Variants in NTM observed in about 807,000 individuals in gnomAD.
The protein encoded by NTM is neurotrimin.
A neutral mutation model predicts 42.1 loss-of-function variants in NTM; 13 were observed. The ratio of observed to expected loss-of-function variants is 0.31; its 90% confidence interval spans 0.20 to 0.49. The LOEUF is 0.49. NTM is among the 20% of genes least tolerant of loss of function. The probability of loss-of-function intolerance (pLI) is 0.99; values close to 1 mark genes in which losing one functional copy is unlikely to be tolerated. For missense variants in NTM, 373 were observed against 452.8 expected (o/e 0.82, Z 1.60); for synonymous variants, 187 against 179.2 (o/e 1.04, Z -0.35).
At chr11:131,725,907 A>T (rs1260871412) in intron 1 of NTM, among the ~76,000 whole-genome samples, 1 of 152,128 alleles carries the variant, frequency 6.6e-6, no homozygotes, top group Non-Finnish European at 1.5e-5. Flanking sequence ...CTCTCGCTAG[A>T]TTCAGTGGGT....
chr11:131,740,239 C>T (rs188520969), intron 1 of NTM, among the ~76,000 whole-genome samples: 157 of 152,180 alleles, frequency 1.0e-3, no homozygotes, highest in African/African-American at 3.3e-3. Flanking sequence ...GGAGAGCTGC[C>T]GGCATCCATG....
intron 1 of NTM, among the ~76,000 whole-genome samples, chr11:131,849,464 A>G (rs1029530076): frequency 3.3e-5 from 5 of 151,922 alleles, no homozygotes; most frequent in African/African-American, 1.2e-4. Context: ...AGAGAGGGGG[A>G]AGTGCCACAC....
chr11:132,224,832 A>T (rs988749480), intron 4 of NTM, among the ~76,000 whole-genome samples: 1 of 152,198 alleles, frequency 6.6e-6, no homozygotes, highest in Admixed American at 6.5e-5. Context: ...GATGGGAGTG[A>T]GGGTGGAGGA....
intron 1 of NTM, among the ~76,000 whole-genome samples, chr11:131,600,665 G>A (rs1476631906): frequency 1.3e-5 from 2 of 152,108 alleles, no homozygotes; most frequent in African/African-American, 4.8e-5. Flanking sequence ...CCTACGTTTA[G>A]CAGGTCCACT....
intron 3 of NTM, among the ~76,000 whole-genome samples, chr11:132,182,263 C>G (rs2077691164): frequency 6.6e-6 from 1 of 152,046 alleles, no homozygotes; most frequent in Admixed American, 6.6e-5. Context: ...GTTTTCTATT[C>G]TGCTCTTTCC....
At chr11:131,555,354 C>A (rs1171725096) in intron 1 of NTM, among the ~76,000 whole-genome samples, 1 of 152,130 alleles carries the variant, frequency 6.6e-6, no homozygotes, top group Non-Finnish European at 1.5e-5. Flanking sequence ...AGCAGAATTC[C>A]ATTGGACAGG....
chr11:131,957,106 GAGGTGGCCATGCT>G (rs1313697359), intron 2 of NTM, among the ~76,000 whole-genome samples: 3 of 152,170 alleles, frequency 2.0e-5, no homozygotes, highest in African/African-American at 7.2e-5. Flanking sequence ...TGTAAACTAC[GAGGTGGCCATGCT>G]AGAATTTAAA....
chr11:132,108,591 G>C (rs2062727844), intron 2 of NTM, among the ~76,000 whole-genome samples: 1 of 152,000 alleles, frequency 6.6e-6, no homozygotes, highest in Non-Finnish European at 1.5e-5. Context: ...ACACTGTTCG[G>C]GTGATTGGTG....
At chr11:131,468,533 T>A (rs1054644585) in intron 1 of NTM, among the ~76,000 whole-genome samples, 1 of 152,226 alleles carries the variant, frequency 6.6e-6, no homozygotes, top group Non-Finnish European at 1.5e-5. Flanking sequence ...GTAATTGCTT[T>A]GGTTTTTTTG....
intron 1 of NTM, chr11:131,671,494 G>A: frequency 1.0e-6 from 1 of 985,254 alleles, no homozygotes. Context: ...TGTTAGCCCT[G>A]GGCTGGCAGG....
chr11:132,248,909 C>T (rs1157447532), intron 4 of NTM, among the ~76,000 whole-genome samples: 2 of 152,138 alleles, frequency 1.3e-5, no homozygotes, highest in Non-Finnish European at 2.9e-5. Flanking sequence ...ACTTCTTTCC[C>T]GGGGGAAATG....
chr11:131,808,825 G>A (rs947652636), intron 1 of NTM, among the ~76,000 whole-genome samples: 4 of 152,204 alleles, frequency 2.6e-5, no homozygotes, highest in Admixed American at 6.5e-5. Context: ...AAGCATGCCC[G>A]TGCACACGCA....
At chr11:132,076,886 C>G (rs140169074) in intron 2 of NTM, among the ~76,000 whole-genome samples, 9 of 152,124 alleles carry the variant, frequency 5.9e-5, no homozygotes, top group African/African-American at 2.2e-4. Flanking sequence ...TTTTTATTAC[C>G]CATCTCTTTA....
At chr11:131,670,320 C>CCT (rs2069908184) in intron 1 of NTM, among the ~76,000 whole-genome samples, 2 of 151,896 alleles carry the variant, frequency 1.3e-5, no homozygotes, top group African/African-American at 4.8e-5. Context: ...TCAAATCTTT[C>CCT]CTTTCTTTCT....
At chr11:132,098,272 G>T (rs2061253124) in intron 2 of NTM, among the ~76,000 whole-genome samples, 1 of 79,376 alleles carries the variant, frequency 1.3e-5, no homozygotes, top group Non-Finnish European at 2.9e-5. Context: ...GATGTAATTA[G>T]TATATTCCCC....
intron 2 of NTM, among the ~76,000 whole-genome samples, chr11:131,971,899 A>C (rs1347366976): frequency 6.6e-6 from 1 of 150,950 alleles, no homozygotes; most frequent in Non-Finnish European, 1.5e-5. Context: ...AAAAAAAATT[A>C]GCCGAGTGTG....
chr11:131,502,169 C>A (rs928562734), intron 1 of NTM, among the ~76,000 whole-genome samples: 1 of 151,984 alleles, frequency 6.6e-6, no homozygotes, highest in East Asian at 1.9e-4. Flanking sequence ...GAAATCCTCA[C>A]CCCCCAGAGG....
intron 1 of NTM, among the ~76,000 whole-genome samples, chr11:131,415,697 G>A (rs1946871503): frequency 6.6e-6 from 1 of 152,186 alleles, no homozygotes; most frequent in South Asian, 2.1e-4. Flanking sequence ...ATCTGAAAAT[G>A]TGGGGGTGAG....
intron 1 of NTM, among the ~76,000 whole-genome samples, chr11:131,741,162 TGA>T (rs71067330): frequency 0.099 from 12,798 of 129,262 alleles, 615 homozygotes; most frequent in African/African-American, 0.13. Context: ...AAGACCCCGT[TGA>T]GAGAGAGAGA....
Sources: gnomAD v4.1 joint callset for allele counts (sites outside exome capture counted in the v4.1 genomes callset) on GRCh38, gnomAD v4.1.1 for gene constraint, MANE v1.5 for transcripts, NCBI Gene and HGNC (gene_info 2026-07-23, HGNC 2026-07-21) for gene names.